Variants in LRMDA observed in about 807,000 individuals in gnomAD.
LRMDA encodes leucine rich melanocyte differentiation associated, also known as leucine-rich melanocyte differentiation-associated protein.
Under a neutral mutation model 29.8 loss-of-function variants are expected in LRMDA, and 18 were observed. The ratio of observed to expected loss-of-function variants is 0.60; its 90% CI spans 0.42 to 0.90. LRMDA has a LOEUF of 0.90. Among genes scored for constraint, LRMDA ranks in the 40% least tolerant of loss-of-function variants. The pLI is 0.00. For synonymous variants in LRMDA, 125 were observed against 109.4 expected (o/e 1.14, Z -0.89); for missense variants, 273 against 273.9 (o/e 1.00, Z 0.02).
intron 6 of LRMDA, among the ~76,000 whole-genome samples, chr10:76,395,910 C>G (rs1045230428): frequency 3.9e-5 from 6 of 152,192 alleles, no homozygotes; most frequent in Non-Finnish European, 8.8e-5. Flanking sequence ...AGAGATAGTA[C>G]TATACAATAG....
intron 6 of LRMDA, among the ~76,000 whole-genome samples, chr10:76,344,785 A>G (rs1339414720): frequency 6.6e-6 from 1 of 152,050 alleles, no homozygotes; most frequent in East Asian, 1.9e-4. Flanking sequence ...AGGTAGGGAA[A>G]AGATGGGCCA....
At chr10:76,336,320 C>T (rs10824400) in intron 6 of LRMDA, among the ~76,000 whole-genome samples, 16,110 of 152,242 alleles carry the variant, frequency 0.11, 1,011 homozygotes, top group East Asian at 0.32. Flanking sequence ...CAGGGAGATA[C>T]AGGATCATGC....
chr10:75,982,522 T>C (rs983364735), intron 2 of LRMDA, among the ~76,000 whole-genome samples: 1 of 152,190 alleles, frequency 6.6e-6, no homozygotes, highest in East Asian at 1.9e-4. Flanking sequence ...TCCACAATGC[T>C]TGGGCTTGGT....
intron 6 of LRMDA, among the ~76,000 whole-genome samples, chr10:76,355,405 A>C (rs971227001): frequency 6.6e-6 from 1 of 152,168 alleles, no homozygotes; most frequent in African/African-American, 2.4e-5. Flanking sequence ...GAGCCCTTTT[A>C]AGTGAAAGTA....
intron 2 of LRMDA, among the ~76,000 whole-genome samples, chr10:75,949,858 C>T (rs1255450141): frequency 6.6e-6 from 1 of 152,154 alleles, no homozygotes; most frequent in Non-Finnish European, 1.5e-5. Context: ...GGAAAATTTC[C>T]ATTTTGCCCC....
chr10:75,606,493 A>G (rs1589201366), intron 2 of LRMDA, among the ~76,000 whole-genome samples: 1 of 152,158 alleles, frequency 6.6e-6, no homozygotes, highest in Non-Finnish European at 1.5e-5. Context: ...GGCAGAGTCC[A>G]TTCCGGGCTA....
At chr10:76,391,823 G>A (rs1841726519) in intron 6 of LRMDA, among the ~76,000 whole-genome samples, 1 of 152,092 alleles carries the variant, frequency 6.6e-6, no homozygotes, top group Non-Finnish European at 1.5e-5. Flanking sequence ...GCATGAATAG[G>A]TTAGAGATTA....
chr10:76,154,024 G>A (rs1850494173), intron 5 of LRMDA, among the ~76,000 whole-genome samples: 1 of 152,140 alleles, frequency 6.6e-6, no homozygotes, highest in Non-Finnish European at 1.5e-5. Flanking sequence ...AAAGAGATAG[G>A]CAATATAGAT....
At chr10:75,828,193 G>A (rs1220414870) in intron 2 of LRMDA, among the ~76,000 whole-genome samples, 4 of 152,112 alleles carry the variant, frequency 2.6e-5, no homozygotes, top group South Asian at 4.1e-4. Flanking sequence ...TATTTAGAAC[G>A]ACCCCAAACT....
At chr10:76,241,085 A>G (rs1474064696) in intron 5 of LRMDA, among the ~76,000 whole-genome samples, 1 of 152,034 alleles carries the variant, frequency 6.6e-6, no homozygotes, top group Non-Finnish European at 1.5e-5. Context: ...TATAAGAATG[A>G]TATAATGGAC....
intron 5 of LRMDA, among the ~76,000 whole-genome samples, chr10:76,163,500 T>G (rs993559150): frequency 1.3e-5 from 2 of 151,616 alleles, no homozygotes; most frequent in African/African-American, 4.8e-5. Context: ...GAAAGTAAAC[T>G]TTTTTTTTCA....
At chr10:75,881,498 C>G (rs1432315807) in intron 2 of LRMDA, among the ~76,000 whole-genome samples, 1 of 152,174 alleles carries the variant, frequency 6.6e-6, no homozygotes, top group African/African-American at 2.4e-5. Flanking sequence ...CCCCCACTAC[C>G]CCTACTTTTC....
At chr10:75,603,634 A>G (rs1840916600) in intron 2 of LRMDA, among the ~76,000 whole-genome samples, 1 of 152,170 alleles carries the variant, frequency 6.6e-6, no homozygotes, top group African/African-American at 2.4e-5. Flanking sequence ...TCAGAAAAAT[A>G]CACATTAACA....
chr10:76,112,914 A>C (rs886458184), intron 5 of LRMDA, among the ~76,000 whole-genome samples: 4 of 152,178 alleles, frequency 2.6e-5, no homozygotes, highest in African/African-American at 7.2e-5. Flanking sequence ...CTCCCTCAGA[A>C]TGTTGCCACT....
intron 2 of LRMDA, among the ~76,000 whole-genome samples, chr10:75,627,797 G>T (rs1841270489): frequency 6.6e-6 from 1 of 152,222 alleles, no homozygotes; most frequent in Admixed American, 6.5e-5. Flanking sequence ...TAAATTGGGA[G>T]ATTTCAGATG....
At chr10:76,179,378 G>C (rs1046274890) in intron 5 of LRMDA, among the ~76,000 whole-genome samples, 1 of 152,058 alleles carries the variant, frequency 6.6e-6, no homozygotes, top group Non-Finnish European at 1.5e-5. Context: ...ATGAGGAAAC[G>C]GAGGCCTAGA....
Position 76,102,432 on chromosome 10 carries a change from G to C in LRMDA, c.516+43649G>C, listed in dbSNP as rs543973300. 2.0e-5 allele frequency among the ~76,000 whole-genome samples: 3 copies of C among 152,178 alleles called. No individual in the cohort carries two copies. The East Asian group carries it at 5.8e-4, about 29-fold the overall frequency. On this transcript the variant is annotated intron_variant, in intron 5 of 6. Transcript: ENST00000611255. ...AGGCCCCATTGTTGTTCCCCTCTTA[G>C]TGTTTGCGAATTCTCATTGTTTAGC... is the stretch of plus-strand genomic sequence containing the variant.
At chr10:76,226,311 G>A (rs1204147754) in intron 5 of LRMDA, among the ~76,000 whole-genome samples, 1 of 152,080 alleles carries the variant, frequency 6.6e-6, no homozygotes, top group Non-Finnish European at 1.5e-5. Context: ...GGCCGGGCGT[G>A]GTGGCTTATA....
In LRMDA at chr10:75,597,270, G is replaced by A. The variant is rs968344077; in HGVS notation, c.131+158776G>A. 3.3e-5 allele frequency among the ~76,000 whole-genome samples: 5 copies of A among 152,268 alleles called. No individual in the cohort carries two copies. In the East Asian group the frequency reaches 9.6e-4, roughly 29 times the overall value. On this transcript the variant is annotated intron_variant, in intron 2 of 6. Transcript: ENST00000611255. The stretch of plus-strand genomic sequence containing the variant: ...TGATGAACGAATACCTTGATGTAAC[G>A]TGATCATTTTTAGTAAGAAAAGTGG...
Sources: allele counts gnomAD v4.1 joint callset (sites outside exome capture counted in the v4.1 genomes callset), GRCh38; gene constraint gnomAD v4.1.1; transcripts MANE v1.5; gene names NCBI Gene and HGNC (gene_info 2026-07-23, HGNC 2026-07-21).